STK39: variants seen among roughly 807,000 people sequenced by gnomAD.
STK39 encodes the protein STE20/SPS1-related proline-alanine-rich protein kinase.
STK39 carries 20 observed loss-of-function variants against 77.8 expected under a neutral mutation model. The ratio of observed to expected loss-of-function variants is 0.26; its 90% confidence interval spans 0.18 to 0.37. The LOEUF is 0.37. STK39 is among the 10% of genes least tolerant of loss of function. The pLI is 1.00. For missense variants in STK39, 479 were observed against 656.5 expected (o/e 0.73, Z 2.95); for synonymous variants, 246 against 234.1 (o/e 1.05, Z -0.47).
chr2:168,170,213 A>C (rs6433039), intron 2 of STK39, among the ~76,000 whole-genome samples: 65,412 of 151,760 alleles, frequency 0.43, 16,101 homozygotes, highest in East Asian at 0.77. Context: ...GTTATTTGAA[A>C]GCTCCCTTGG....
chr2:167,985,101 A>G (rs13432443), intron 16 of STK39, among the ~76,000 whole-genome samples: 84,358 of 152,048 alleles, frequency 0.55, 24,678 homozygotes, highest in African/African-American at 0.67. Flanking sequence ...GCAACTAACC[A>G]TATGTAGACC....
chr2:168,077,788 G>C (rs16854663), intron 10 of STK39, among the ~76,000 whole-genome samples: 3,048 of 152,062 alleles, frequency 0.02, 107 homozygotes, highest in African/African-American at 0.07. Context: ...TCCTTGTAGG[G>C]AGTTTGTAGG....
chr2:168,217,984 C>T lies in STK39; in HGVS notation c.208+29244G>A, dbSNP rs564218543. ...TTATCATGATTTAGACAGAAATAGC[C>T]TCCTAGCAGTAAATCACTAAAAGTC... On this transcript the variant is annotated intron_variant, in intron 1 of 17. Transcript: ENST00000355999. Among the ~76,000 whole-genome samples the T allele has an allele frequency of 6.6e-5, 10 of 152,294 alleles. 1 individual carries two copies. In the South Asian group the frequency reaches 1.9e-3, roughly 28 times the overall value.
At chr2:168,051,104 C>T (rs1413338503) in intron 14 of STK39, among the ~76,000 whole-genome samples, 9 of 152,154 alleles carry the variant, frequency 5.9e-5, no homozygotes, top group East Asian at 1.9e-4. Flanking sequence ...GATATGGTAA[C>T]GGAGAACTGA....
At chr2:167,958,607 T>C (rs1254097597) in intron 17 of STK39, among the ~76,000 whole-genome samples, 1 of 152,238 alleles carries the variant, frequency 6.6e-6, no homozygotes, top group Non-Finnish European at 1.5e-5. Flanking sequence ...TGTTTTATGC[T>C]GTTTTCCTTG....
At position 168,017,104 on chromosome 2, in the gene STK39, C is replaced by T; in HGVS notation, c.1377-9G>A. 1.9e-6 allele frequency: 3 copies of T among 1,596,606 alleles called. No individual in the cohort carries two copies. The highest frequency in any genetic ancestry group is 1.1e-5 in the South Asian group (1 of 88,802). ...GTTCCTTTCTGGAGTTTCTGAAATA[C>T]ATAACATATAATACATTAAAGTCTA... On this transcript the variant is annotated splice_polypyrimidine_tract_variant and intron_variant, in intron 14 of 17. Coordinates refer to ENST00000355999, the MANE Select transcript of STK39 (RefSeq NM_013233.3).
intron 16 of STK39, among the ~76,000 whole-genome samples, chr2:167,992,841 T>C (rs939345748): frequency 1.3e-5 from 2 of 152,190 alleles, no homozygotes; most frequent in East Asian, 1.9e-4. Flanking sequence ...ACACCAACTA[T>C]AAAAGACCAT....
chr2:167,975,477 A>C (rs1683248884), intron 16 of STK39, among the ~76,000 whole-genome samples: 1 of 152,148 alleles, frequency 6.6e-6, no homozygotes, highest in African/African-American at 2.4e-5. Flanking sequence ...AAAGAGATCA[A>C]CCAATCCAGA....
chr2:167,995,085 T>C (rs957752532), intron 16 of STK39, among the ~76,000 whole-genome samples: 28 of 140,760 alleles, frequency 2.0e-4, no homozygotes, highest in African/African-American at 7.2e-4. Flanking sequence ...TTAAAATATA[T>C]ATATTATATA....
rs116500792 is a variant in STK39 at position 168,167,199 on chromosome 2, C to A, written c.430+100G>T. On this transcript the variant is annotated intron_variant, in intron 3 of 17. Coordinates refer to ENST00000355999, the MANE Select transcript of STK39 (RefSeq NM_013233.3). The stretch of plus-strand genomic sequence containing the variant: ...GAGAAACCAAACAAACTTTCAAACA[C>A]AGGAGAGAAAGGATTCAATCTAAAG... 514 of 984,464 alleles carry A rather than the reference C, an allele frequency of 5.2e-4. 2 individuals carry two copies. The African/African-American group carries it at 7.5e-3, about 14-fold the overall frequency. 61.0% of individuals were successfully genotyped at this position (984,464 alleles called of 1,614,324 possible). A position where few individuals can be genotyped will look rare whatever the true frequency, so the allele number is the denominator to read the frequency against.
At chr2:168,007,170 A>G (rs1684152509) in intron 16 of STK39, among the ~76,000 whole-genome samples, 1 of 152,240 alleles carries the variant, frequency 6.6e-6, no homozygotes, top group South Asian at 2.1e-4. Flanking sequence ...TACACATGTA[A>G]GAAATCATTC....
At chr2:168,011,109 C>A (rs1245780771) in intron 16 of STK39, among the ~76,000 whole-genome samples, 1 of 152,146 alleles carries the variant, frequency 6.6e-6, no homozygotes, top group East Asian at 1.9e-4. Flanking sequence ...ACCAGCCTGG[C>A]CAACATGGCA....
intron 1 of STK39, 42 bp downstream of exon 1, chr2:168,247,173 CCGCCCGGCCTCGG>C (rs942796984): frequency 4.4e-6 from 5 of 1,127,874 alleles, no homozygotes; most frequent in Non-Finnish European, 4.3e-6. Flanking sequence ...GCGCCCCCTC[CCGCCCGGCCTCGG>C]CGCCCGGCCT....
intron 1 of STK39, among the ~76,000 whole-genome samples, chr2:168,205,653 C>CA (rs1689722731): frequency 6.6e-6 from 1 of 151,610 alleles, no homozygotes; most frequent in African/African-American, 2.4e-5. Context: ...CTCAACTCTA[C>CA]AAAAAATAAA....
Position 167,995,428 on chromosome 2 carries a change from A to G in STK39, c.1498+17206T>C, listed in dbSNP as rs1021043193. 4.6e-5 allele frequency among the ~76,000 whole-genome samples: 7 copies of G among 152,188 alleles called. No individual in the cohort carries two copies. The South Asian group carries it at 1.2e-3, about 27-fold the overall frequency. ...CAGCCAAAACATTTAAAATATTTTA[A>G]ACAGGGTAAGTGATTTTCTTTAAGT... On this transcript the variant is annotated intron_variant, in intron 16 of 17. Transcript: ENST00000355999.
chr2:168,166,584 T>G (rs576450614), intron 3 of STK39, among the ~76,000 whole-genome samples: 1 of 152,340 alleles, frequency 6.6e-6, no homozygotes, highest in South Asian at 2.1e-4. Flanking sequence ...CCAAGTTCAA[T>G]GAATTCAAAG....
chr2:168,025,008 A>G (rs972018305), intron 14 of STK39, among the ~76,000 whole-genome samples: 4 of 152,294 alleles, frequency 2.6e-5, no homozygotes, highest in East Asian at 1.9e-4. Context: ...TGCAGAGTTT[A>G]CAAGTCTGGC....
At chr2:168,145,973 G>A (rs954223650) in intron 5 of STK39, among the ~76,000 whole-genome samples, 1 of 152,204 alleles carries the variant, frequency 6.6e-6, no homozygotes, top group African/African-American at 2.4e-5. Flanking sequence ...CTTAGCACCA[G>A]AGAGTGGCTA....
At chr2:168,228,896 C>A (rs996188687) in intron 1 of STK39, among the ~76,000 whole-genome samples, 49 of 152,110 alleles carry the variant, frequency 3.2e-4, no homozygotes, top group African/African-American at 1.1e-3. Context: ...CTCAGGCCAG[C>A]CACAGGAAGG....
Sources: gnomAD v4.1 joint callset for allele counts (sites outside exome capture counted in the v4.1 genomes callset) on GRCh38, gnomAD v4.1.1 for gene constraint, MANE v1.5 for transcripts, NCBI Gene and HGNC (gene_info 2026-07-23, HGNC 2026-07-21) for gene names.